The following ADAMTS2 variants were observed in gnomAD, a reference collection of about 807,000 sequenced individuals.
ADAMTS2 encodes A disintegrin and metalloproteinase with thrombospondin motifs 2.
In ADAMTS2, 50 loss-of-function variants were observed where a neutral mutation model predicts 123.0. The observed-to-expected ratio is 0.41, with a 90% CI of 0.32 to 0.51. ADAMTS2 has a LOEUF of 0.51. Among genes scored for constraint, ADAMTS2 ranks in the 20% least tolerant of loss-of-function variants. The probability of loss-of-function intolerance (pLI) is 0.35; values close to 1 mark genes in which losing one functional copy is unlikely to be tolerated. For synonymous variants in ADAMTS2, 678 were observed against 695.4 expected, an observed-to-expected ratio of 0.98 and a Z score of 0.39; for missense variants, 1,494 against 1,705.2, an observed-to-expected ratio of 0.88 and a Z score of 2.18.
intron 3 of ADAMTS2, among the ~76,000 whole-genome samples, chr5:179,229,284 C>A (rs1212162282): frequency 6.7e-6 from 1 of 150,340 alleles, no homozygotes. Flanking sequence ...CCACTCCCGA[C>A]GGAGAGGTAA....
chr5:179,320,956 A>C (rs1757152834), intron 2 of ADAMTS2, among the ~76,000 whole-genome samples: 1 of 152,186 alleles, frequency 6.6e-6, no homozygotes, highest in Non-Finnish European at 1.5e-5. Flanking sequence ...AGCAAAGCCA[A>C]GGGTTGGGGA....
At chr5:179,160,623 CTT>C (rs1042761263) in intron 5 of ADAMTS2, among the ~76,000 whole-genome samples, 1 of 152,220 alleles carries the variant, frequency 6.6e-6, no homozygotes, top group African/African-American at 2.4e-5. Context: ...ATTGTAAAGA[CTT>C]TATTTCCTGC....
intron 3 of ADAMTS2, among the ~76,000 whole-genome samples, chr5:179,209,504 C>T (rs190710738): frequency 1.3e-4 from 18 of 143,890 alleles, no homozygotes; most frequent in African/African-American, 3.5e-4. Context: ...TCTGTGTCCC[C>T]TCGGCGCACA....
intron 2 of ADAMTS2, among the ~76,000 whole-genome samples, chr5:179,282,350 C>T (rs186321187): frequency 4.3e-4 from 66 of 152,322 alleles, no homozygotes; most frequent in Non-Finnish European, 8.2e-4. Flanking sequence ...CTTCATTTTT[C>T]CATATGTGGA....
In ADAMTS2 at chr5:179,275,784, G is replaced by A. The variant is rs571837554; in HGVS notation, c.535-2720C>T. The stretch of plus-strand genomic sequence containing the variant: ...AGGTTATACCGACTTCGGACGTCCG[G>A]CCTCAGAACTGTGAGAGAACGAATT... On this transcript the variant is annotated intron_variant, in intron 2 of 21. Transcript: ENST00000251582. 2.0e-5 allele frequency among the ~76,000 whole-genome samples: 3 copies of A among 152,370 alleles called. No homozygotes were observed. The South Asian group carries it at 6.2e-4, about 32-fold the overall frequency.
Position 179,317,791 on chromosome 5 carries a change from C to T in ADAMTS2, c.534+25976G>A, listed in dbSNP as rs753462713. ...GCTGAGACTCCCTGGCCAGACTCAT[C>T]GCCAGCTGGGGAGAGTGGAGCAGAC... On this transcript the variant is annotated intron_variant, in intron 2 of 21. Transcript: ENST00000251582. The surrounding 1 kb of genome is among the most constrained non-coding windows in gnomAD (Gnocchi z 4.9). 1.3e-5 allele frequency among the ~76,000 whole-genome samples: 2 copies of T among 152,290 alleles called. No homozygotes were observed. The highest frequency in any genetic ancestry group is 2.1e-4 in the South Asian group (1 of 4,822).
At chr5:179,315,746 C>T (rs564541920) in intron 2 of ADAMTS2, among the ~76,000 whole-genome samples, 3 of 152,316 alleles carry the variant, frequency 2.0e-5, no homozygotes, top group South Asian at 2.1e-4. Context: ...TGAGCACAAA[C>T]GCCACTGGAG....
intron 2 of ADAMTS2, among the ~76,000 whole-genome samples, chr5:179,278,563 G>A (rs529379285): frequency 1.4e-4 from 21 of 152,246 alleles, no homozygotes; most frequent in African/African-American, 4.3e-4. Flanking sequence ...CCTGCTGGTG[G>A]CCTGTCTGTC....
chr5:179,178,190 G>T (rs1165000840), intron 5 of ADAMTS2, among the ~76,000 whole-genome samples: 1 of 152,216 alleles, frequency 6.6e-6, no homozygotes, highest in Admixed American at 6.5e-5. Flanking sequence ...GGAAAGACCC[G>T]GCTTGGGGAA....
Position 179,317,297 on chromosome 5 carries a change from A to G in ADAMTS2, c.534+26470T>C, listed in dbSNP as rs980225155. On this transcript the variant is annotated intron_variant, in intron 2 of 21. Coordinates refer to ENST00000251582, the MANE Select transcript of ADAMTS2 (RefSeq NM_014244.5). This position sits in a 1 kb window ranked among gnomAD's most constrained non-coding sequence, Gnocchi z 4.9. ...GCTACAGCTATCCTTGTCCCTGAAGATGGACTCAGCTAGCAGAGTCGCTGA... is the reference window on the plus strand; with the variant it reads ...GCTACAGCTATCCTTGTCCCTGAAGGTGGACTCAGCTAGCAGAGTCGCTGA... Among the ~76,000 whole-genome samples the G allele has an allele frequency of 1.2e-4, 19 of 152,188 alleles. No homozygotes were observed. Among genetic ancestry groups the G allele is most frequent in the Non-Finnish European group, 2.4e-4 (16 of 68,034 alleles).
Position 179,113,971 on chromosome 5 carries a change from T to C in ADAMTS2, c.3532A>G (p.Asn1178Asp). 1 of 1,614,144 alleles carries C rather than the reference T, an allele frequency of 6.2e-7. No individual in the cohort carries two copies. Residue 1178 changes from asparagine (N) to aspartate (D), a missense_variant, in exon 22 of 22, where the codon AAC becomes GAC. Physicochemically the swap from Asn to Asp is conservative, Grantham distance 23. Coordinates refer to ENST00000251582, the MANE Select transcript of ADAMTS2 (RefSeq NM_014244.5). ...GGGCTCGGTCGTCGAGGGATTAGGT[T>C]GGGTGGCTGGACTTCATCTTCCAGG... ...HGLEDEVQPP[N>D]LIPRRPSPYE...
Position 179,158,259 on chromosome 5 carries a change from C to T in ADAMTS2, c.1132+464G>A, listed in dbSNP as rs539974202. 1.3e-5 allele frequency among the ~76,000 whole-genome samples: 2 copies of T among 152,304 alleles called. No individual in the cohort carries two copies. Among genetic ancestry groups the T allele is most frequent in the South Asian group, 4.2e-4 (2 of 4,814 alleles). On this transcript the variant is annotated intron_variant, in intron 6 of 21. Transcript: ENST00000251582. The surrounding 1 kb of genome is among the most constrained non-coding windows in gnomAD (Gnocchi z 5.0). ...GGATTACAGGTGTGAACCACCGCGC[C>T]CGGCCTTTTGTCTCTTTTTAAAGAA...
Position 179,162,161 on chromosome 5 carries a change from G to A in ADAMTS2, c.976-3282C>T, listed in dbSNP as rs547672842. On this transcript the variant is annotated intron_variant, in intron 5 of 21. Coordinates refer to ENST00000251582, the MANE Select transcript of ADAMTS2 (RefSeq NM_014244.5). This position sits in a 1 kb window ranked among gnomAD's most constrained non-coding sequence, Gnocchi z 5.1. ...CCCATGTAGTGGGACGGTCCCTTCC[G>A]ATGCCCTGGTGGGTTGCGGTGACTT... is the stretch of plus-strand genomic sequence containing the variant. Among the ~76,000 whole-genome samples, 6 of 152,304 alleles carry A rather than the reference G, an allele frequency of 3.9e-5. No individual in the cohort carries two copies. The East Asian group carries it at 5.8e-4, about 15-fold the overall frequency.
intron 3 of ADAMTS2, among the ~76,000 whole-genome samples, chr5:179,215,105 G>A (rs778584941): frequency 3.9e-5 from 6 of 152,134 alleles, no homozygotes; most frequent in Non-Finnish European, 7.3e-5. Flanking sequence ...TAATGAAAAC[G>A]TAGTTGTGTC....
At chr5:179,263,456 C>T (rs1007676264) in intron 3 of ADAMTS2, among the ~76,000 whole-genome samples, 1 of 152,248 alleles carries the variant, frequency 6.6e-6, no homozygotes, top group Non-Finnish European at 1.5e-5. Flanking sequence ...CCGGCCTTTT[C>T]CCAACCAGAC....
chr5:179,153,608 C>G lies in ADAMTS2; in HGVS notation c.1398G>C (p.Leu466=), dbSNP rs200341951. ...AGTCGTGGGCGAAGGGGTCATCCAG[C>G]AGGCAGTCATAGGAGCTGTGGGGGA... ...LSRYLHSYDC[L]LDDPFAHDWP... The change falls in exon 9 of 22, where the codon CTG becomes CTC. Residue 466 remains leucine (L), a synonymous_variant. Transcript: ENST00000251582. The G allele has an allele frequency of 8.1e-6, 13 of 1,604,756 alleles. No homozygotes were observed. The East Asian group carries it at 2.9e-4, about 36-fold the overall frequency.
At chr5:179,178,237 A>G (rs1763970912) in intron 5 of ADAMTS2, among the ~76,000 whole-genome samples, 1 of 149,032 alleles carries the variant, frequency 6.7e-6, no homozygotes, top group South Asian at 2.2e-4. Flanking sequence ...GCAGGCAGCC[A>G]GCCACATGGG....
chr5:179,191,831 C>A (rs774118427), intron 4 of ADAMTS2, among the ~76,000 whole-genome samples: 1 of 152,192 alleles, frequency 6.6e-6, no homozygotes, highest in Non-Finnish European at 1.5e-5. Flanking sequence ...GGAGAGGGAT[C>A]TCATGTTAAT....
At chr5:179,265,931 A>G (rs6601026) in intron 3 of ADAMTS2, among the ~76,000 whole-genome samples, 49,348 of 151,898 alleles carry the variant, frequency 0.32, 8,409 homozygotes, top group East Asian at 0.58. Flanking sequence ...AGCTGAGAAG[A>G]CTCCAGGGAT....
Sources: allele counts gnomAD v4.1 joint callset (sites outside exome capture counted in the v4.1 genomes callset), GRCh38; gene constraint gnomAD v4.1.1; non-coding constraint Gnocchi (gnomAD v3.1); transcripts MANE v1.5; gene names NCBI Gene and HGNC (gene_info 2026-07-23, HGNC 2026-07-21).